GALNT17: variants seen among roughly 807,000 people sequenced by gnomAD.
GALNT17 encodes the protein polypeptide N-acetylgalactosaminyltransferase 17.
GALNT17 carries 29 observed loss-of-function variants against 63.7 expected under a neutral mutation model. The observed-to-expected ratio is 0.46, with a 90% confidence interval of 0.34 to 0.62. The LOEUF is 0.62. GALNT17 is among the 20% of genes least tolerant of loss of function. The pLI is 0.01. For missense variants in GALNT17, 603 were observed against 799.6 expected (o/e 0.75, Z 2.97); for synonymous variants, 305 against 318.3 (o/e 0.96, Z 0.45).
chr7:71,311,429 G>A (rs1244105736), intron 1 of GALNT17, among the ~76,000 whole-genome samples: 1 of 152,158 alleles, frequency 6.6e-6, no homozygotes, highest in Non-Finnish European at 1.5e-5. Flanking sequence ...ACAGTAAGAA[G>A]TGAGCTAAGG....
intron 1 of GALNT17, among the ~76,000 whole-genome samples, chr7:71,177,716 CCAA>C (rs1443773751): frequency 6.6e-6 from 1 of 151,512 alleles, no homozygotes; most frequent in African/African-American, 2.4e-5. Context: ...ATTAATTTTA[CCAA>C]CGAGTTGCTC....
In GALNT17 at chr7:71,415,989, C is replaced by T; in HGVS notation, c.690C>T (p.Arg230=). ...NQKREGLIRA[R]IEGWKVATGQ... is the part of the protein sequence containing the mutation. ...AGAGGGAAGGCCTGATCCGCGCTCG[C>T]ATTGAGGGCTGGAAGGTGGCTACCG... Residue 230 remains arginine, a synonymous_variant, in exon 4 of 11, where the codon CGC becomes CGT. Coordinates refer to ENST00000333538, the MANE Select transcript of GALNT17 (RefSeq NM_022479.3). 6.2e-7 allele frequency: 1 copy of T among 1,613,860 alleles called. No homozygotes were observed. Among genetic ancestry groups the T allele is most frequent in the Non-Finnish European group, 8.5e-7 (1 of 1,179,900 alleles).
At chr7:71,638,681 A>G (rs1790562281) in intron 6 of GALNT17, among the ~76,000 whole-genome samples, 1 of 152,214 alleles carries the variant, frequency 6.6e-6, no homozygotes, top group African/African-American at 2.4e-5. Context: ...ATCAAGGTCT[A>G]ATCAGACAGG....
intron 9 of GALNT17, among the ~76,000 whole-genome samples, chr7:71,690,576 A>G (rs1791427036): frequency 6.6e-6 from 1 of 152,216 alleles, no homozygotes; most frequent in Non-Finnish European, 1.5e-5. Flanking sequence ...TGCCATAGAT[A>G]GTGATTCTTC....
intron 1 of GALNT17, among the ~76,000 whole-genome samples, chr7:71,186,301 TG>T (rs1788850077): frequency 6.6e-6 from 1 of 152,200 alleles, no homozygotes; most frequent in Admixed American, 6.5e-5. Context: ...CTTATCTACT[TG>T]GTTCAGAAGC....
intron 9 of GALNT17, among the ~76,000 whole-genome samples, chr7:71,684,018 A>AC (rs941625189): frequency 2.0e-5 from 3 of 151,634 alleles, no homozygotes; most frequent in Non-Finnish European, 2.9e-5. Flanking sequence ...CAAAAAAAAA[A>AC]AAAAAAAACA....
intron 1 of GALNT17, 46 bp from the exon 2 acceptor site, chr7:71,335,503 TG>T (rs1479149054): frequency 6.7e-6 from 10 of 1,488,062 alleles, no homozygotes; most frequent in Non-Finnish European, 9.0e-6. Flanking sequence ...TAATACATCC[TG>T]GTATGGTGGT....
chr7:71,388,164 C>G, intron 2 of GALNT17, 71 bp from the exon 3 acceptor site: 1 of 1,516,340 alleles, frequency 6.6e-7, no homozygotes. Context: ...AAATCTTACA[C>G]TATGTCCAGC....
At position 71,429,815 on chromosome 7, in the gene GALNT17, T is replaced by C. The variant is rs186345406; in HGVS notation, c.962+8710T>C. 2.5e-4 allele frequency among the ~76,000 whole-genome samples: 38 copies of C among 152,314 alleles called. 4 individuals are homozygous for C. In the East Asian group the frequency reaches 2.9e-3, roughly 12 times the overall value. On this transcript the variant is annotated intron_variant, in intron 5 of 10. Transcript: ENST00000333538. ...TCCACCTCCTGGGTTCAAGCGATTC[T>C]CCTACTGCAGCCTCCCAAGTAGCCG... is the stretch of plus-strand genomic sequence containing the variant.
chr7:71,292,917 G>A (rs895405089), intron 1 of GALNT17, among the ~76,000 whole-genome samples: 2 of 151,970 alleles, frequency 1.3e-5, no homozygotes, highest in African/African-American at 4.8e-5. Context: ...TTATGAATTT[G>A]ATATTTTTCA....
At chr7:71,149,570 G>A (rs1378198686) in intron 1 of GALNT17, among the ~76,000 whole-genome samples, 1 of 152,178 alleles carries the variant, frequency 6.6e-6, no homozygotes, top group Non-Finnish European at 1.5e-5. Context: ...GTAGTCACTC[G>A]TGTGAAAAGT....
intron 1 of GALNT17, among the ~76,000 whole-genome samples, chr7:71,149,849 A>C (rs1406391540): frequency 6.6e-6 from 1 of 152,056 alleles, no homozygotes; most frequent in East Asian, 1.9e-4. Flanking sequence ...TTGCACATCC[A>C]TTGTGTTTGT....
intron 1 of GALNT17, among the ~76,000 whole-genome samples, chr7:71,188,487 C>G (rs1039274111): frequency 6.6e-6 from 1 of 152,076 alleles, no homozygotes; most frequent in Non-Finnish European, 1.5e-5. Flanking sequence ...ATTAGTGATG[C>G]TGAGCATTTT....
chr7:71,485,927 C>T (rs993984537), intron 5 of GALNT17, among the ~76,000 whole-genome samples: 1 of 152,170 alleles, frequency 6.6e-6, no homozygotes, highest in African/African-American at 2.4e-5. Flanking sequence ...TTACGTTTCT[C>T]TGATTGGAGC....
chr7:71,455,353 A>G (rs893206180), intron 5 of GALNT17, among the ~76,000 whole-genome samples: 2 of 151,546 alleles, frequency 1.3e-5, no homozygotes, highest in African/African-American at 4.9e-5. Flanking sequence ...GGTGTGTTCA[A>G]CCTCCCATCC....
chr7:71,199,670 C>T (rs1585876328), intron 1 of GALNT17, among the ~76,000 whole-genome samples: 1 of 72,612 alleles, frequency 1.4e-5, no homozygotes, highest in East Asian at 2.8e-4. Flanking sequence ...TCCATCCTTC[C>T]ACCCATCCAT....
At position 71,412,824 on chromosome 7, in the gene GALNT17, C is replaced by T. The variant is rs151245666; in HGVS notation, c.590-3065C>T. 1.3e-3 allele frequency among the ~76,000 whole-genome samples: 196 copies of T among 152,280 alleles called. No individual in the cohort carries two copies. The Middle Eastern group carries it at 0.014, about 11-fold the overall frequency. On this transcript the variant is annotated intron_variant, in intron 3 of 10. Coordinates refer to ENST00000333538, the MANE Select transcript of GALNT17 (RefSeq NM_022479.3). ...TTAAGAGGCTGAGGTAGGGGGATCA[C>T]TTGAGGCCAAGAGTTCGAGACCAGC...
intron 1 of GALNT17, among the ~76,000 whole-genome samples, chr7:71,269,067 A>C (rs1317167283): frequency 6.6e-6 from 1 of 152,146 alleles, no homozygotes; most frequent in African/African-American, 2.4e-5. Flanking sequence ...GTAGCTTGGA[A>C]AGCCTCACAG....
At chr7:71,700,853 C>T (rs1038580501) in intron 9 of GALNT17, among the ~76,000 whole-genome samples, 2 of 152,178 alleles carry the variant, frequency 1.3e-5, no homozygotes, top group African/African-American at 4.8e-5. Context: ...TTTTACTTGC[C>T]TGACTCCAGT....
Sources: gnomAD v4.1 joint callset for allele counts (sites outside exome capture counted in the v4.1 genomes callset) on GRCh38, gnomAD v4.1.1 for gene constraint, MANE v1.5 for transcripts, NCBI Gene and HGNC (gene_info 2026-07-23, HGNC 2026-07-21) for gene names.